HAL: variants seen among roughly 807,000 people sequenced by gnomAD.
HAL encodes the protein histidine ammonia-lyase.
In HAL, 85 loss-of-function variants were observed where a neutral mutation model predicts 81.1. The ratio of observed to expected loss-of-function variants is 1.05; its 90% CI spans 0.88 to 1.25. The LOEUF (loss-of-function observed/expected upper bound fraction) is 1.25, where lower values mean the gene tolerates loss of function less well. Among genes scored for constraint, HAL ranks in the 50% most tolerant of loss-of-function variants. The probability of loss-of-function intolerance (pLI) is 0.00; values close to 1 mark genes in which losing one functional copy is unlikely to be tolerated. For missense variants in HAL, 798 were observed against 836.6 expected (o/e 0.95, Z 0.57); for synonymous variants, 301 against 309.2 (o/e 0.97, Z 0.28).
At chr12:95,992,615 C>A (rs962064500) in intron 9 of HAL, 65 bp downstream of exon 9, 9 of 1,432,514 alleles carry the variant, frequency 6.3e-6, no homozygotes, top group South Asian at 1.2e-5. Context: ...TCTGGCCAAT[C>A]AATTCTACCC....
intron 11 of HAL, 75 bp downstream of exon 11, chr12:95,988,118 C>T (rs1647408657): frequency 9.9e-6 from 8 of 808,232 alleles, no homozygotes; most frequent in African/African-American, 1.7e-5. Flanking sequence ...ATGATTGAGG[C>T]TGAGATTAAA....
chr12:95,978,983 A>G (rs7133811), intron 17 of HAL, among the ~76,000 whole-genome samples: 2,547 of 152,320 alleles, frequency 0.017, 69 homozygotes, highest in African/African-American at 0.057. Context: ...TCCAGGTTTC[A>G]GCACTGTAAG....
At chr12:95,983,399 A>AC (rs937403914) in intron 15 of HAL, among the ~76,000 whole-genome samples, 5 of 151,954 alleles carry the variant, frequency 3.3e-5, no homozygotes, top group African/African-American at 1.2e-4. Flanking sequence ...AAATAAACAA[A>AC]AAAAAAAATG....
Position 95,974,273 on chromosome 12 carries a change from G to A in HAL, c.1933C>T (p.His645Tyr), listed in dbSNP as rs144698271. The A allele has an allele frequency of 2.1e-4, 344 of 1,613,700 alleles. 2 individuals are homozygous for A. In the East Asian group the frequency reaches 7.5e-3, roughly 35 times the overall value. Reference sequence around the variant, plus strand: ...TCCGGGATTTTGGTGGATTTCTTGTGCAGAAATTGCAGTGAAAAGGCTGTT... The same window carrying A: ...TCCGGGATTTTGGTGGATTTCTTGTACAGAAATTGCAGTGAAAAGGCTGTT... Reference protein sequence around the residue: ...SPTAFSLQFLHKKSTKIPESE... With the variant: ...SPTAFSLQFLYKKSTKIPESE... The change falls in exon 21 of 21, where the codon CAC becomes TAC. Residue 645 changes from histidine to tyrosine, a missense_variant. Transcript: ENST00000261208.
Position 95,993,858 on chromosome 12 carries a change from T to TA in HAL, c.485-21dup. ...AAACAACTAGAATAAAAAGAGACAT[T>TA]ATGCAATTAAATGCAGGGATTTTTG... On this transcript the variant is annotated intron_variant, in intron 6 of 20. Coordinates refer to ENST00000261208, the MANE Select transcript of HAL (RefSeq NM_002108.4). 6.7e-7 allele frequency: 1 copy of TA among 1,503,338 alleles called. No individual in the cohort carries two copies. Among genetic ancestry groups the TA allele is most frequent in the South Asian group, 1.1e-5 (1 of 88,636 alleles). The allele number at this position is 1,503,338 out of a possible 1,614,324, so 93.1% of individuals were successfully genotyped here.
chr12:95,984,945 A>C (rs1949861583), intron 14 of HAL, among the ~76,000 whole-genome samples: 2 of 152,178 alleles, frequency 1.3e-5, no homozygotes, highest in Admixed American at 1.3e-4. Context: ...ATAGACTGAA[A>C]TTTGGCACAG....
intron 14 of HAL, among the ~76,000 whole-genome samples, chr12:95,984,939 A>T (rs956571547): frequency 4.6e-5 from 7 of 152,174 alleles, no homozygotes; most frequent in Non-Finnish European, 8.8e-5. Flanking sequence ...TACACCATAG[A>T]CTGAAATTTG....
chr12:95,985,791 T>C (rs950690565), intron 14 of HAL, 117 bp downstream of exon 14: 16 of 715,136 alleles, frequency 2.2e-5, no homozygotes, highest in African/African-American at 2.0e-4. Flanking sequence ...TGGACTATAG[T>C]TGACCATTAC....
At chr12:95,979,164 A>C (rs2080761760) in intron 17 of HAL, among the ~76,000 whole-genome samples, 1 of 152,212 alleles carries the variant, frequency 6.6e-6, no homozygotes, top group Non-Finnish European at 1.5e-5. Flanking sequence ...AACATATTCA[A>C]ATGAGGCTTC....
At position 95,987,152 on chromosome 12, in the gene HAL, T is replaced by C. The variant is rs150823366; in HGVS notation, c.966A>G (p.Arg322=). 8.7e-6 allele frequency: 14 copies of C among 1,613,506 alleles called. No homozygotes were observed. The highest frequency in any genetic ancestry group is 1.7e-5 in the Admixed American group (1 of 60,012). The change falls in exon 12 of 21, where the codon CGA becomes CGG. Residue 322 remains arginine (R), a synonymous_variant. Coordinates refer to ENST00000261208, the MANE Select transcript of HAL (RefSeq NM_002108.4). ...CAGCCTGCCGTGCAATAGCACTGGC[T>C]CGCTCTACAGCTTCACAGCCCAGGG... is the stretch of plus-strand genomic sequence containing the variant. The part of the protein sequence containing the change: ...ITSLGCEAVE[R]ASAIARQADI...
In HAL at chr12:95,976,626, C is replaced by A. The variant is rs1347307103; in HGVS notation, c.1735G>T (p.Val579Phe). ...PLKTTTPLEK[V>F]YDLVRSVVRP... Reference sequence around the variant, plus strand: ...ACAACAGAGCGCACCAGGTCATAGACCTTCTCCAGCGGAGTGGTTGTTTTC... The same window carrying A: ...ACAACAGAGCGCACCAGGTCATAGAACTTCTCCAGCGGAGTGGTTGTTTTC... The change falls in exon 19 of 21, where the codon GTC becomes TTC. Residue 579 changes from valine to phenylalanine, a missense_variant. Val to Phe is a conservative substitution (Grantham distance 50). Coordinates refer to ENST00000261208, the MANE Select transcript of HAL (RefSeq NM_002108.4). The A allele has an allele frequency of 6.2e-7, 1 of 1,612,046 alleles. No individual in the cohort carries two copies. Among genetic ancestry groups the A allele is most frequent in the Non-Finnish European group, 8.5e-7 (1 of 1,178,156 alleles).
At chr12:95,994,754 G>T in intron 4 of HAL, 44 bp downstream of exon 4, 1 of 1,586,118 alleles carries the variant, frequency 6.3e-7, no homozygotes, top group Non-Finnish European at 8.7e-7. Context: ...CTTAAATAAG[G>T]GGCCTTAATT....
At chr12:95,993,859 A>G in intron 6 of HAL, 21 bp from the exon 7 acceptor site, 1 of 1,464,172 alleles carries the variant, frequency 6.8e-7, no homozygotes, top group Non-Finnish European at 9.6e-7. Flanking sequence ...AAGAGACATT[A>G]TGCAATTAAA....
intron 10 of HAL, among the ~76,000 whole-genome samples, chr12:95,988,462 T>C (rs977189956): frequency 2.0e-5 from 3 of 152,190 alleles, no homozygotes; most frequent in Non-Finnish European, 4.4e-5. Context: ...TGTACTGAAA[T>C]CAGGGGCTCC....
chr12:95,985,011 A>C (rs1949863270), intron 14 of HAL, among the ~76,000 whole-genome samples: 1 of 152,246 alleles, frequency 6.6e-6, no homozygotes. Context: ...TGTAAATTAC[A>C]CATCTGTAAT....
chr12:95,990,033 A>G (rs1592848360), intron 10 of HAL: 1 of 354,316 alleles, frequency 2.8e-6, no homozygotes, highest in Non-Finnish European at 5.5e-6. Flanking sequence ...AGTAAGTGCT[A>G]TGAGCCATAC....
At chr12:95,994,659 G>C in intron 4 of HAL, 139 bp downstream of exon 4, 1 of 878,668 alleles carries the variant, frequency 1.1e-6, no homozygotes, top group South Asian at 1.3e-5. Flanking sequence ...CAAAGTGCTG[G>C]GACTACAGAC....
At position 95,993,991 on chromosome 12, in the gene HAL, G is replaced by A; in HGVS notation, c.419C>T (p.Pro140Leu). ...GKGRYKIKLT[P>L]TAEKRVQKSR... ...TTTCTGCACCCTCTTCTCAGCTGTTGGGGTGAGCTAGGAAAATGTTGATCA... is the reference window on the plus strand; with the variant it reads ...TTTCTGCACCCTCTTCTCAGCTGTTAGGGTGAGCTAGGAAAATGTTGATCA... The change falls in exon 6 of 21, where the codon CCA becomes CTA. Residue 140 changes from proline (P) to leucine (L), a missense_variant. By Grantham distance (98) the Pro-to-Leu change is moderately conservative (BLOSUM62 -3). Transcript: ENST00000261208. The A allele has an allele frequency of 6.2e-7, 1 of 1,611,170 alleles. No homozygotes were observed. Among genetic ancestry groups the A allele is most frequent in the Non-Finnish European group, 8.5e-7 (1 of 1,177,364 alleles).
intron 7 of HAL, 123 bp from the exon 8 acceptor site, chr12:95,993,611 A>T (rs752182804): frequency 3.5e-6 from 3 of 867,306 alleles, no homozygotes; most frequent in Non-Finnish European, 3.9e-6. Context: ...AATGGGAGAA[A>T]CCAGCCAGCC....
Sources: gnomAD v4.1 joint callset for allele counts (sites outside exome capture counted in the v4.1 genomes callset) on GRCh38, gnomAD v4.1.1 for gene constraint, MANE v1.5 for transcripts, NCBI Gene and HGNC (gene_info 2026-07-23, HGNC 2026-07-21) for gene names.